Variants in GRIK2 observed in about 807,000 individuals in gnomAD.
GRIK2 encodes glutamate ionotropic receptor kainate type subunit 2.
GRIK2 carries 32 observed loss-of-function variants against 100.3 expected under a neutral mutation model. That is an observed-to-expected ratio of 0.32 (90% CI 0.24 to 0.43). The LOEUF is 0.43. GRIK2 is among the 20% of genes least tolerant of loss of function. GRIK2 has a pLI of 1.00. For missense variants in GRIK2, 843 were observed against 1,114.9 expected (o/e 0.76, Z 3.47); for synonymous variants, 417 against 389.4 (o/e 1.07, Z -0.83).
intron 14 of GRIK2, among the ~76,000 whole-genome samples, chr6:101,953,641 A>G (rs1051187849): frequency 6.6e-6 from 1 of 152,184 alleles, no homozygotes; most frequent in East Asian, 1.9e-4. Flanking sequence ...GTATTTTTAC[A>G]TTTTATAGAT....
intron 14 of GRIK2, among the ~76,000 whole-genome samples, chr6:102,024,810 T>C (rs1308688016): frequency 6.6e-6 from 1 of 151,006 alleles, no homozygotes; most frequent in Non-Finnish European, 1.5e-5. Context: ...TTTTTCTTAT[T>C]GAATGAAGCC....
intron 14 of GRIK2, among the ~76,000 whole-genome samples, chr6:102,015,593 A>G (rs1369053112): frequency 6.6e-6 from 1 of 152,100 alleles, no homozygotes; most frequent in Non-Finnish European, 1.5e-5. Flanking sequence ...CAACACCTGT[A>G]CAGAGGCCAG....
At chr6:101,754,494 T>A (rs1299710680) in intron 7 of GRIK2, among the ~76,000 whole-genome samples, 3 of 152,206 alleles carry the variant, frequency 2.0e-5, no homozygotes. Context: ...CTACTTAATA[T>A]TTTGTAAGTG....
At chr6:101,401,270 C>G (rs1256900535) in intron 2 of GRIK2, among the ~76,000 whole-genome samples, 1 of 152,116 alleles carries the variant, frequency 6.6e-6, no homozygotes, top group Non-Finnish European at 1.5e-5. Flanking sequence ...ACAATATTTG[C>G]TGAATCACTA....
At chr6:101,880,592 ATATATT>A (rs1428165242) in intron 11 of GRIK2, among the ~76,000 whole-genome samples, 1 of 152,036 alleles carries the variant, frequency 6.6e-6, no homozygotes, top group African/African-American at 2.4e-5. Flanking sequence ...TTACTATGAG[ATATATT>A]TATATGAACT....
In GRIK2 at chr6:101,818,446, C is replaced by G; in HGVS notation, c.1280C>G (p.Ser427Cys). Residue 427 changes from serine (S) to cysteine (C), a missense_variant, in exon 10 of 17, where the codon TCC (serine) becomes TGC (cysteine). Physicochemically the swap from Ser to Cys is moderately radical, Grantham distance 112. This residue lies in a region of GRIK2 where 519 missense variants were observed against 643.8 expected (regional missense o/e 0.81). Coordinates refer to ENST00000369134, the MANE Select transcript of GRIK2 (RefSeq NM_021956.5). ...GGAAAGCCAGCGAACATCACAGATT[C>G]CTTATCCAATCGTTCTTTGATTGTT... Reference protein sequence around the residue: ...QKGKPANITDSLSNRSLIVTT... With the variant: ...QKGKPANITDCLSNRSLIVTT... The G allele has an allele frequency of 6.2e-7, 1 of 1,609,418 alleles. No individual in the cohort carries two copies. The highest frequency in any genetic ancestry group is 8.5e-7 in the Non-Finnish European group (1 of 1,175,900).
chr6:101,658,447 C>A (rs936418624), intron 4 of GRIK2, among the ~76,000 whole-genome samples: 13 of 152,174 alleles, frequency 8.5e-5, no homozygotes, highest in African/African-American at 2.7e-4. Flanking sequence ...TTTATCCAGT[C>A]TATCATTGAT....
chr6:101,771,731 G>A (rs1583115454), intron 7 of GRIK2, among the ~76,000 whole-genome samples: 1 of 130,800 alleles, frequency 7.6e-6, no homozygotes, highest in East Asian at 2.2e-4. Flanking sequence ...CCCTTCCTGT[G>A]TCCATGTGTT....
intron 2 of GRIK2, among the ~76,000 whole-genome samples, chr6:101,469,688 C>T (rs931705777): frequency 2.0e-5 from 3 of 152,104 alleles, no homozygotes; most frequent in African/African-American, 7.2e-5. Flanking sequence ...TTAATAATAT[C>T]CTGAACAGAT....
At chr6:101,400,895 G>C (rs1190308571) in intron 2 of GRIK2, among the ~76,000 whole-genome samples, 1 of 152,186 alleles carries the variant, frequency 6.6e-6, no homozygotes, top group Non-Finnish European at 1.5e-5. Context: ...TGGTACTTAA[G>C]CACGTTGCTC....
chr6:101,526,748 G>C (rs1005484828), intron 2 of GRIK2, among the ~76,000 whole-genome samples: 1 of 152,192 alleles, frequency 6.6e-6, no homozygotes, highest in African/African-American at 2.4e-5. Flanking sequence ...TCTGTACACA[G>C]GTTGTAGCAT....
At position 101,655,636 on chromosome 6, in the gene GRIK2, T is replaced by C. The variant is rs75448161; in HGVS notation, c.542-20987T>C. ...GTTGCATTAAAGCAAAAATAAATCA[T>C]GAATGGTATATTTTTATTTTCTTTT... On this transcript the variant is annotated intron_variant, in intron 4 of 16. Coordinates refer to ENST00000369134, the MANE Select transcript of GRIK2 (RefSeq NM_021956.5). Among the ~76,000 whole-genome samples the C allele has an allele frequency of 3.4e-3, 513 of 152,306 alleles. 4 individuals are homozygous for C. Among genetic ancestry groups the C allele is most frequent in the African/African-American group, 0.012 (483 of 41,582 alleles).
chr6:101,612,056 G>A (rs1324478209), intron 2 of GRIK2, among the ~76,000 whole-genome samples: 1 of 151,830 alleles, frequency 6.6e-6, no homozygotes. Flanking sequence ...CCAGCAAGAA[G>A]CAATACAGAA....
At chr6:101,551,015 T>A (rs1328443052) in intron 2 of GRIK2, among the ~76,000 whole-genome samples, 1 of 152,198 alleles carries the variant, frequency 6.6e-6, no homozygotes, top group Non-Finnish European at 1.5e-5. Context: ...TAATGGAGCC[T>A]CAGCCTCACC....
At chr6:101,462,813 A>G (rs1217088553) in intron 2 of GRIK2, among the ~76,000 whole-genome samples, 2 of 152,200 alleles carry the variant, frequency 1.3e-5, no homozygotes, top group Non-Finnish European at 2.9e-5. Flanking sequence ...AACATCCCAC[A>G]TGGAATCCTG....
chr6:101,861,995 G>T (rs915989147), intron 11 of GRIK2, among the ~76,000 whole-genome samples: 1 of 152,104 alleles, frequency 6.6e-6, no homozygotes, highest in East Asian at 1.9e-4. Context: ...AAGGCAAAGA[G>T]AATAAATTTT....
At chr6:102,008,271 G>A (rs1317325252) in intron 14 of GRIK2, among the ~76,000 whole-genome samples, 4 of 151,960 alleles carry the variant, frequency 2.6e-5, no homozygotes, top group Non-Finnish European at 4.4e-5. Context: ...TTTAGAAAGA[G>A]GACTTGGAAG....
chr6:102,008,832 A>G (rs1795374784), intron 14 of GRIK2, among the ~76,000 whole-genome samples: 1 of 152,134 alleles, frequency 6.6e-6, no homozygotes, highest in Non-Finnish European at 1.5e-5. Flanking sequence ...CCATGCTATT[A>G]TAATATAAAT....
chr6:101,481,445 T>C (rs2128261258), intron 2 of GRIK2, among the ~76,000 whole-genome samples: 1 of 152,274 alleles, frequency 6.6e-6, no homozygotes, highest in South Asian at 2.1e-4. Context: ...GCTCTAGCTA[T>C]TGATAATACC....
Sources: gnomAD v4.1 joint callset for allele counts (sites outside exome capture counted in the v4.1 genomes callset) on GRCh38, gnomAD v4.1.1 for gene constraint, gnomAD v4.1.1 regional missense constraint, MANE v1.5 for transcripts, NCBI Gene and HGNC (gene_info 2026-07-23, HGNC 2026-07-21) for gene names.